KCNQ3: variants seen among roughly 807,000 people sequenced by gnomAD.
KCNQ3 encodes the protein potassium voltage-gated channel subfamily KQT member 3.
Under a neutral mutation model 92.5 loss-of-function variants are expected in KCNQ3, and 30 were observed. The ratio of observed to expected loss-of-function variants is 0.32; its 90% confidence interval spans 0.24 to 0.44. The LOEUF (loss-of-function observed/expected upper bound fraction) is 0.44. Among genes scored for constraint, KCNQ3 ranks in the 20% least tolerant of loss-of-function variants. KCNQ3 has a pLI of 1.00. For synonymous variants in KCNQ3, 450 were observed against 468.8 expected (o/e 0.96, Z 0.52); for missense variants, 913 against 1,140.3 (o/e 0.80, Z 2.87).
At chr8:132,387,550 G>T (rs1395953551) in intron 1 of KCNQ3, among the ~76,000 whole-genome samples, 1 of 152,014 alleles carries the variant, frequency 6.6e-6, no homozygotes. Context: ...TGATAGAGGA[G>T]ATTTTATACA....
intron 1 of KCNQ3, among the ~76,000 whole-genome samples, chr8:132,275,598 G>C (rs1386053886): frequency 6.9e-6 from 1 of 144,126 alleles, no homozygotes; most frequent in Non-Finnish European, 1.5e-5. Context: ...TTTTTTTTTA[G>C]ACAGAGTCTT....
At chr8:132,386,634 A>G (rs1819898271) in intron 1 of KCNQ3, among the ~76,000 whole-genome samples, 1 of 152,172 alleles carries the variant, frequency 6.6e-6, no homozygotes, top group Admixed American at 6.5e-5. Context: ...TTCTTACCAT[A>G]TTAAAGAGGT....
At chr8:132,178,190 G>C (rs1051401342) in intron 4 of KCNQ3, among the ~76,000 whole-genome samples, 1 of 152,184 alleles carries the variant, frequency 6.6e-6, no homozygotes, top group African/African-American at 2.4e-5. Flanking sequence ...CAGCTCCATG[G>C]ATACAGGTTA....
chr8:132,300,205 C>T (rs1314950241), intron 1 of KCNQ3, among the ~76,000 whole-genome samples: 1 of 152,162 alleles, frequency 6.6e-6, no homozygotes, highest in Non-Finnish European at 1.5e-5. Context: ...AAGAATGGAC[C>T]ATGGATCATT....
At chr8:132,426,938 G>A (rs574917771) in intron 1 of KCNQ3, among the ~76,000 whole-genome samples, 1 of 152,232 alleles carries the variant, frequency 6.6e-6, no homozygotes, top group South Asian at 2.1e-4. Flanking sequence ...AACATCATAT[G>A]TGTTATTATT....
At chr8:132,407,641 GCA>G (rs1473328069) in intron 1 of KCNQ3, among the ~76,000 whole-genome samples, 1 of 152,164 alleles carries the variant, frequency 6.6e-6, no homozygotes, top group Admixed American at 6.5e-5. Flanking sequence ...AGGGATCAAG[GCA>G]CAGAGTGAAG....
intron 1 of KCNQ3, among the ~76,000 whole-genome samples, chr8:132,399,721 G>C (rs1184628219): frequency 6.6e-6 from 1 of 152,152 alleles, no homozygotes; most frequent in Non-Finnish European, 1.5e-5. Flanking sequence ...TCGATGGTGA[G>C]ATACTTGAAG....
chr8:132,250,625 A>G (rs1057201920), intron 1 of KCNQ3, among the ~76,000 whole-genome samples: 2 of 152,162 alleles, frequency 1.3e-5, no homozygotes, highest in Non-Finnish European at 2.9e-5. Context: ...GATTATAAAA[A>G]CAATCTCTCA....
chr8:132,472,265 G>A (rs1822316113), intron 1 of KCNQ3, among the ~76,000 whole-genome samples: 1 of 152,216 alleles, frequency 6.6e-6, no homozygotes, highest in East Asian at 1.9e-4. Flanking sequence ...CTGGGTATTT[G>A]TCCAAAAGAA....
At chr8:132,380,177 T>G (rs942183294) in intron 1 of KCNQ3, among the ~76,000 whole-genome samples, 1 of 152,138 alleles carries the variant, frequency 6.6e-6, no homozygotes, top group Non-Finnish European at 1.5e-5. Context: ...TGTTTACTGA[T>G]GAGAATTGAA....
At chr8:132,369,239 G>A (rs1003310477) in intron 1 of KCNQ3, among the ~76,000 whole-genome samples, 3 of 152,072 alleles carry the variant, frequency 2.0e-5, no homozygotes, top group African/African-American at 7.2e-5. Flanking sequence ...GTGTTTCTTA[G>A]GTTTCTGTAT....
At chr8:132,283,240 T>C (rs190556100) in intron 1 of KCNQ3, among the ~76,000 whole-genome samples, 1 of 134,110 alleles carries the variant, frequency 7.5e-6, no homozygotes, top group African/African-American at 2.6e-5. Context: ...GAGGAGTAAA[T>C]GGAGGCTCAG....
intron 1 of KCNQ3, among the ~76,000 whole-genome samples, chr8:132,460,871 G>A (rs889160721): frequency 6.6e-6 from 1 of 152,108 alleles, no homozygotes; most frequent in African/African-American, 2.4e-5. Flanking sequence ...TATCACCTGC[G>A]CTTCATCTAT....
intron 1 of KCNQ3, among the ~76,000 whole-genome samples, 182 bp downstream of exon 1, chr8:132,479,949 AACACACACACACACAC>A (rs371967111): frequency 8.0e-5 from 11 of 137,178 alleles, no homozygotes; most frequent in Admixed American, 2.9e-4. Flanking sequence ...GGAGAGCGGC[AACACACACACACACAC>A]ACACACACAC....
At chr8:132,265,056 G>C (rs1170300221) in intron 1 of KCNQ3, among the ~76,000 whole-genome samples, 2 of 151,528 alleles carry the variant, frequency 1.3e-5, no homozygotes, top group African/African-American at 4.8e-5. Flanking sequence ...TGTAAAATGG[G>C]AATAGCTAAC....
At chr8:132,456,751 A>T (rs912620452) in intron 1 of KCNQ3, among the ~76,000 whole-genome samples, 2 of 151,890 alleles carry the variant, frequency 1.3e-5, no homozygotes, top group African/African-American at 2.4e-5. Context: ...AGCTGGGACT[A>T]CAGGCGCCCG....
At chr8:132,336,474 A>G (rs1303295380) in intron 1 of KCNQ3, among the ~76,000 whole-genome samples, 1 of 152,320 alleles carries the variant, frequency 6.6e-6, no homozygotes, top group East Asian at 1.9e-4. Context: ...GGAGGATAAT[A>G]TTCATGGAGC....
intron 1 of KCNQ3, among the ~76,000 whole-genome samples, chr8:132,403,959 C>T (rs1010962574): frequency 2.0e-5 from 3 of 152,172 alleles, no homozygotes; most frequent in African/African-American, 7.2e-5. Flanking sequence ...GGTACAACAC[C>T]GCCCTCTCTC....
chr8:132,239,275 T>C (rs770732204), intron 1 of KCNQ3, among the ~76,000 whole-genome samples: 30 of 152,172 alleles, frequency 2.0e-4, no homozygotes, highest in Non-Finnish European at 3.8e-4. Context: ...CTCCTGCAAA[T>C]ACATCCTGCT....
Sources: allele counts gnomAD v4.1 joint callset (sites outside exome capture counted in the v4.1 genomes callset), GRCh38; gene constraint gnomAD v4.1.1; transcripts MANE v1.5; gene names NCBI Gene and HGNC (gene_info 2026-07-23, HGNC 2026-07-21).